GRIN3A: variants seen among roughly 807,000 people sequenced by gnomAD.
The protein encoded by GRIN3A is glutamate ionotropic receptor NMDA type subunit 3A.
A neutral mutation model predicts 92.4 loss-of-function variants in GRIN3A; 47 were observed. The ratio of observed to expected loss-of-function variants is 0.51; its 90% CI spans 0.40 to 0.65. The LOEUF (loss-of-function observed/expected upper bound fraction) is 0.65. GRIN3A is among the 30% of genes least tolerant of loss of function. The probability of loss-of-function intolerance (pLI) is 0.00; values close to 1 mark genes in which losing one functional copy is unlikely to be tolerated. For synonymous variants in GRIN3A, 527 were observed against 540.6 expected (o/e 0.97, Z 0.35); for missense variants, 1,324 against 1,393.1 (o/e 0.95, Z 0.79).
chr9:101,685,940 G>A (rs1588282630), intron 2 of GRIN3A, among the ~76,000 whole-genome samples: 1 of 151,978 alleles, frequency 6.6e-6, no homozygotes, highest in African/African-American at 2.4e-5. Flanking sequence ...GCTCAGAGAA[G>A]TTAAGTAACT....
chr9:101,634,349 A>G (rs908534213), intron 3 of GRIN3A, among the ~76,000 whole-genome samples: 4 of 150,546 alleles, frequency 2.7e-5, no homozygotes, highest in African/African-American at 7.3e-5. Context: ...AAAAAAAAAA[A>G]AAAGAAAATT....
chr9:101,646,211 T>C (rs917567150), intron 3 of GRIN3A, among the ~76,000 whole-genome samples: 6 of 151,898 alleles, frequency 4.0e-5, no homozygotes, highest in Non-Finnish European at 8.8e-5. Flanking sequence ...TCAGGTCTTA[T>C]ATGTAAGTCT....
At chr9:101,702,883 T>C (rs755346458) in intron 1 of GRIN3A, among the ~76,000 whole-genome samples, 4 of 152,160 alleles carry the variant, frequency 2.6e-5, no homozygotes, top group Admixed American at 6.6e-5. Context: ...AGAAATCAGC[T>C]TTTAATCTCT....
chr9:101,637,615 A>C (rs965324627), intron 3 of GRIN3A, among the ~76,000 whole-genome samples: 1 of 152,192 alleles, frequency 6.6e-6, no homozygotes, highest in Non-Finnish European at 1.5e-5. Context: ...TTTTGCTAAC[A>C]CCTTAACGTG....
At chr9:101,579,690 A>AT (rs1368553749) in intron 6 of GRIN3A, among the ~76,000 whole-genome samples, 5 of 152,172 alleles carry the variant, frequency 3.3e-5, no homozygotes, top group Non-Finnish European at 2.9e-5. Flanking sequence ...CCTTGATTGG[A>AT]TGGGAGGTCT....
chr9:101,610,704 C>T (rs922211736), intron 6 of GRIN3A, among the ~76,000 whole-genome samples: 1 of 151,864 alleles, frequency 6.6e-6, no homozygotes, highest in African/African-American at 2.4e-5. Context: ...GCTGATGTAA[C>T]AAATGTAAAA....
At chr9:101,715,498 A>G (rs1476036506) in intron 1 of GRIN3A, among the ~76,000 whole-genome samples, 2 of 152,214 alleles carry the variant, frequency 1.3e-5, no homozygotes, top group East Asian at 3.9e-4. Flanking sequence ...AACAAATGCT[A>G]GGATAAAATA....
At chr9:101,627,775 C>A (rs1828653829) in intron 4 of GRIN3A, among the ~76,000 whole-genome samples, 1 of 152,176 alleles carries the variant, frequency 6.6e-6, no homozygotes, top group African/African-American at 2.4e-5. Context: ...GAATCATTGT[C>A]TTCTATCTTA....
At chr9:101,597,761 C>T (rs1231295508) in intron 6 of GRIN3A, among the ~76,000 whole-genome samples, 9 of 152,090 alleles carry the variant, frequency 5.9e-5, no homozygotes, top group African/African-American at 1.9e-4. Flanking sequence ...ACTATTACTT[C>T]ATAAAGTTGT....
intron 2 of GRIN3A, among the ~76,000 whole-genome samples, chr9:101,678,363 G>T (rs1046021661): frequency 5.9e-5 from 9 of 152,120 alleles, no homozygotes; most frequent in African/African-American, 2.2e-4. Flanking sequence ...TTAGTTCAAT[G>T]GGGAACCTCT....
chr9:101,724,635 G>A (rs1166707088), intron 1 of GRIN3A, among the ~76,000 whole-genome samples: 5 of 152,220 alleles, frequency 3.3e-5, no homozygotes, highest in African/African-American at 4.8e-5. Context: ...CAGAGCGAGC[G>A]AGCGAGGGCT....
intron 3 of GRIN3A, among the ~76,000 whole-genome samples, chr9:101,666,050 T>A (rs1829232720): frequency 6.6e-6 from 1 of 151,970 alleles, no homozygotes. Context: ...TTTGTGGAGC[T>A]GCATGAATTT....
chr9:101,577,947 C>G, intron 7 of GRIN3A, 103 bp from the exon 8 acceptor site: 1 of 835,640 alleles, frequency 1.2e-6, no homozygotes, highest in South Asian at 1.4e-5. Flanking sequence ...CGTTACAAAC[C>G]TTGGCCTCTT....
intron 3 of GRIN3A, among the ~76,000 whole-genome samples, chr9:101,652,446 G>A (rs1291778052): frequency 6.6e-6 from 1 of 151,946 alleles, no homozygotes; most frequent in Admixed American, 6.6e-5. Context: ...GAAGAAAAAA[G>A]AGTGTGTTTG....
intron 2 of GRIN3A, among the ~76,000 whole-genome samples, chr9:101,679,080 A>G (rs1337462991): frequency 6.6e-6 from 1 of 152,166 alleles, no homozygotes; most frequent in South Asian, 2.1e-4. Flanking sequence ...TGTCCCTTCA[A>G]GTATTGCCTT....
At chr9:101,706,322 G>A (rs1829815868) in intron 1 of GRIN3A, among the ~76,000 whole-genome samples, 1 of 152,178 alleles carries the variant, frequency 6.6e-6, no homozygotes, top group Non-Finnish European at 1.5e-5. Context: ...AACATAATGT[G>A]AAGCCAGAAC....
At position 101,618,198 on chromosome 9, in the gene GRIN3A, T is replaced by G. The variant is rs527733792; in HGVS notation, c.2615-4671A>C. On this transcript the variant is annotated intron_variant, in intron 5 of 8. Coordinates refer to ENST00000361820, the MANE Select transcript of GRIN3A (RefSeq NM_133445.3). ...ACAAAATTGACAAATGGGATCTAAT[T>G]AAACTAAAGAGCTTCTGTACAGCAA... is the stretch of plus-strand genomic sequence containing the variant. 4.3e-3 allele frequency among the ~76,000 whole-genome samples: 642 copies of G among 149,042 alleles called. 3 individuals carry two copies. Among genetic ancestry groups the G allele is most frequent in the Admixed American group, 5.7e-3 (87 of 15,150 alleles).
chr9:101,712,765 G>A (rs1048490039), intron 1 of GRIN3A, among the ~76,000 whole-genome samples: 2 of 152,178 alleles, frequency 1.3e-5, no homozygotes, highest in African/African-American at 2.4e-5. Flanking sequence ...TAAAAAATAT[G>A]AGATCGTTAT....
intron 2 of GRIN3A, among the ~76,000 whole-genome samples, chr9:101,675,514 A>G (rs1829383964): frequency 6.6e-6 from 1 of 151,972 alleles, no homozygotes; most frequent in African/African-American, 2.4e-5. Context: ...AATACTCACT[A>G]TGTGCCAGGC....
Sources: allele counts gnomAD v4.1 joint callset (sites outside exome capture counted in the v4.1 genomes callset), GRCh38; gene constraint gnomAD v4.1.1; transcripts MANE v1.5; gene names NCBI Gene and HGNC (gene_info 2026-07-23, HGNC 2026-07-21).